The following HK1 variants were observed in gnomAD, a reference collection of about 807,000 sequenced individuals.
HK1 encodes the protein hexokinase 1.
In HK1, 28 loss-of-function variants were observed where a neutral mutation model predicts 91.6. That is an observed-to-expected ratio of 0.31 (90% CI 0.23 to 0.42). The LOEUF (loss-of-function observed/expected upper bound fraction) is 0.42. Ranked by LOEUF, HK1 falls within the 10% of genes least tolerant of loss-of-function variation. The pLI is 1.00. For missense variants in HK1, 770 were observed against 1,219.8 expected, an observed-to-expected ratio of 0.63 and a Z score of 5.49; for synonymous variants, 430 against 468.1, an observed-to-expected ratio of 0.92 and a Z score of 1.05.
chr10:69,387,648 T>C (rs964202239), intron 13 of HK1, among the ~76,000 whole-genome samples: 2 of 151,934 alleles, frequency 1.3e-5, no homozygotes, highest in South Asian at 2.1e-4. Flanking sequence ...CCTCCCAAAG[T>C]GTTAGGATTC....
chr10:69,302,358 C>T (rs1845917447), intron 5 of HK1, among the ~76,000 whole-genome samples: 1 of 144,458 alleles, frequency 6.9e-6, no homozygotes, highest in Non-Finnish European at 1.5e-5. Flanking sequence ...AGAAATAAAC[C>T]CTTACATTTA....
chr10:69,284,487 TA>T (rs35379025), intron 2 of HK1, among the ~76,000 whole-genome samples: 3 of 151,748 alleles, frequency 2.0e-5, no homozygotes, highest in African/African-American at 7.3e-5. Flanking sequence ...TAAAACTATG[TA>T]AAAAAAAGCA....
intron 8 of HK1, among the ~76,000 whole-genome samples, chr10:69,377,356 C>T (rs1200806120): frequency 3.3e-5 from 5 of 151,898 alleles, no homozygotes; most frequent in African/African-American, 1.2e-4. Flanking sequence ...CCTCTCCCAC[C>T]CCCATCAGCC....
chr10:69,344,632 G>T (rs1447336473), intron 2 of HK1, among the ~76,000 whole-genome samples: 1 of 152,258 alleles, frequency 6.6e-6, no homozygotes, highest in African/African-American at 2.4e-5. Flanking sequence ...GCAGTGGGGC[G>T]TTGGGGGAGG....
At chr10:69,300,624 G>T (rs139831231) in intron 4 of HK1, 6 of 724,616 alleles carry the variant, frequency 8.3e-6, no homozygotes, top group South Asian at 1.5e-5. Flanking sequence ...TAGACTGCCT[G>T]TGAGGTTCAC....
At chr10:69,273,343 G>A (rs1410287973) in intron 1 of HK1, among the ~76,000 whole-genome samples, 1 of 152,094 alleles carries the variant, frequency 6.6e-6, no homozygotes, top group African/African-American at 2.4e-5. Flanking sequence ...AGACTCCCAA[G>A]TAGCTGGGAC....
intron 1 of HK1, among the ~76,000 whole-genome samples, chr10:69,325,631 T>C (rs1389093509): frequency 6.6e-6 from 1 of 151,400 alleles, no homozygotes; most frequent in Non-Finnish European, 1.5e-5. Flanking sequence ...GTTCAAGTGA[T>C]ACTTCTGCCT....
upstream of HK1, among the ~76,000 whole-genome samples, chr10:69,311,886 C>T (rs1184742004): frequency 7.2e-5 from 11 of 152,148 alleles, no homozygotes; most frequent in South Asian, 2.1e-4. Flanking sequence ...CCGCCTGCCT[C>T]GGCCTCCCAA....
chr10:69,382,867 C>T (rs1362984313), intron 10 of HK1, 76 bp downstream of exon 10: 22 of 1,447,334 alleles, frequency 1.5e-5, no homozygotes, highest in Admixed American at 3.8e-5. Context: ...AGGTTGGATT[C>T]GCCAGTGGAT....
intron 17 of HK1, among the ~76,000 whole-genome samples, chr10:69,399,089 T>C (rs1373476167): frequency 2.4e-4 from 36 of 152,166 alleles, no homozygotes; most frequent in Admixed American, 2.4e-3. Context: ...ACCCCACTCC[T>C]CCTGGTCCCC....
At chr10:69,285,694 T>A (rs896460426) in intron 2 of HK1, among the ~76,000 whole-genome samples, 1 of 152,138 alleles carries the variant, frequency 6.6e-6, no homozygotes, top group Non-Finnish European at 1.5e-5. Flanking sequence ...TGCGGCGACA[T>A]GTGCGAGTAC....
chr10:69,385,122 T>C (rs1839572243), intron 12 of HK1, among the ~76,000 whole-genome samples: 1 of 152,292 alleles, frequency 6.6e-6, no homozygotes, highest in Non-Finnish European at 1.5e-5. Context: ...GCGTCACCTT[T>C]TCTGGGAAAC....
At chr10:69,300,568 C>T in intron 4 of HK1, 1 of 697,578 alleles carries the variant, frequency 1.4e-6, no homozygotes, top group South Asian at 1.6e-5. Context: ...TTCTCTAGAT[C>T]TTTGAGTTGC....
chr10:69,380,138 T>C lies in HK1; in HGVS notation c.1265+43T>C. The C allele has an allele frequency of 6.7e-7, 1 of 1,496,216 alleles. No individual in the cohort carries two copies. The highest frequency in any genetic ancestry group is 2.3e-5 in the East Asian group (1 of 44,350). 92.7% of individuals were successfully genotyped at this position (1,496,216 alleles called of 1,614,324 possible). The stretch of plus-strand genomic sequence containing the variant: ...TATCATTGGCACTCTGTACCCATTG[T>C]GGGTAGGGACCTTCTCCAGAGATCA... On this transcript the variant is annotated intron_variant, in intron 9 of 17. Transcript: ENST00000359426. The surrounding 1 kb of genome is among the most constrained non-coding windows in gnomAD (Gnocchi z 4.0).
intron 3 of HK1, among the ~76,000 whole-genome samples, chr10:69,294,701 CA>C (rs5785909): frequency 0.9 from 135,972 of 151,850 alleles, 61,407 homozygotes; most frequent in Non-Finnish European, 0.94. Flanking sequence ...ACTAAAAATA[CA>C]AAAAAAATAA....
intron 14 of HK1, among the ~76,000 whole-genome samples, chr10:69,390,157 T>C (rs1839831133): frequency 6.6e-6 from 1 of 152,226 alleles, no homozygotes; most frequent in Admixed American, 6.5e-5. Context: ...CACTTTTCGC[T>C]TCTGTTGAAA....
chr10:69,270,496 T>C (rs1007592694), intron 1 of HK1, among the ~76,000 whole-genome samples: 1 of 151,982 alleles, frequency 6.6e-6, no homozygotes, highest in Non-Finnish European at 1.5e-5. Flanking sequence ...AGCAGGAGAA[T>C]TGCTTGAACC....
chr10:69,366,405 C>T (rs560790233), intron 4 of HK1, among the ~76,000 whole-genome samples: 26 of 152,152 alleles, frequency 1.7e-4, no homozygotes, highest in Non-Finnish European at 3.1e-4. Context: ...CTTTCCTGGG[C>T]ACTGCTTCCT....
Position 69,386,960 on chromosome 10 carries a change from A to G in HK1, c.1935+542A>G, listed in dbSNP as rs1165823233. ...TTTTTTTTTAGAAAGGCAAATCATG[A>G]CTCTCATACAAATTGAAAAAGAGAG... is the stretch of plus-strand genomic sequence containing the variant. On this transcript the variant is annotated intron_variant, in intron 13 of 17. Coordinates refer to ENST00000359426, the MANE Select transcript of HK1 (RefSeq NM_000188.3). Among the ~76,000 whole-genome samples, 4 of 151,990 alleles carry G rather than the reference A, an allele frequency of 2.6e-5. No homozygotes were observed. The East Asian group carries it at 7.7e-4, about 29-fold the overall frequency.
Sources: allele counts gnomAD v4.1 joint callset (sites outside exome capture counted in the v4.1 genomes callset), GRCh38; gene constraint gnomAD v4.1.1; non-coding constraint Gnocchi (gnomAD v3.1); transcripts MANE v1.5; gene names NCBI Gene and HGNC (gene_info 2026-07-23, HGNC 2026-07-21).